LHFPL3: variants seen among roughly 807,000 people sequenced by gnomAD.
The protein encoded by LHFPL3 is LHFPL tetraspan subfamily member 3 protein.
LHFPL3 carries 5 observed loss-of-function variants against 19.3 expected under a neutral mutation model. The observed-to-expected ratio is 0.26, with a 90% CI of 0.14 to 0.54. The LOEUF (loss-of-function observed/expected upper bound fraction) is 0.54. LHFPL3 is among the 20% of genes least tolerant of loss of function. LHFPL3 has a pLI of 0.94. For missense variants in LHFPL3, 249 were observed against 307.4 expected (o/e 0.81, Z 1.42); for synonymous variants, 133 against 126.2 (o/e 1.05, Z -0.36).
At chr7:104,478,013 T>A (rs970989698) in intron 1 of LHFPL3, among the ~76,000 whole-genome samples, 1 of 152,198 alleles carries the variant, frequency 6.6e-6, no homozygotes, top group Non-Finnish European at 1.5e-5. Context: ...GCTCTCTGTA[T>A]TTTGCATGGA....
rs1792593952 is a variant in LHFPL3 at position 104,458,558 on chromosome 7, C to T, written c.445+129334C>T. The stretch of plus-strand genomic sequence containing the variant: ...TTGAAGTCAGGTAGTGTGATGCCTC[C>T]AGCTTTGTTCTTTTGGCTTAGGATT... On this transcript the variant is annotated intron_variant, in intron 1 of 2. Transcript: ENST00000424859. Among the ~76,000 whole-genome samples, 4 of 152,144 alleles carry T rather than the reference C, an allele frequency of 2.6e-5. No homozygotes were observed. The South Asian group carries it at 8.3e-4, about 32-fold the overall frequency.
At chr7:104,541,927 C>A (rs1008981837) in intron 1 of LHFPL3, among the ~76,000 whole-genome samples, 12 of 151,758 alleles carry the variant, frequency 7.9e-5, no homozygotes, top group African/African-American at 2.9e-4. Flanking sequence ...GGAGGAGGAC[C>A]CTGGGAAGGG....
chr7:104,349,680 C>A (rs1317300829), intron 1 of LHFPL3, among the ~76,000 whole-genome samples: 1 of 152,142 alleles, frequency 6.6e-6, no homozygotes, highest in African/African-American at 2.4e-5. Context: ...GTGTAACAAA[C>A]CTGCACGTTC....
chr7:104,838,784 T>C (rs1180124280), intron 2 of LHFPL3, among the ~76,000 whole-genome samples: 1 of 152,230 alleles, frequency 6.6e-6, no homozygotes, highest in Non-Finnish European at 1.5e-5. Flanking sequence ...TTTTAATTAA[T>C]TTAAATAACC....
In LHFPL3 at chr7:104,403,725, T is replaced by TTCTCTCTCTCTCTCTCTC. The variant is rs71786184; in HGVS notation, c.445+74518_445+74535dup. Among the ~76,000 whole-genome samples the TTCTCTCTCTCTCTCTCTC allele has an allele frequency of 2.6e-3, 375 of 143,696 alleles. 4 individuals carry two copies. The highest frequency in any genetic ancestry group is 9.4e-3 in the African/African-American group (360 of 38,156). The allele number at this position is 143,696 out of a possible 152,430, so 94.3% of individuals were successfully genotyped here. A position where few individuals can be genotyped will look rare whatever the true frequency, so the allele number is the denominator to read the frequency against. On this transcript the variant is annotated intron_variant, in intron 1 of 2. Coordinates refer to ENST00000424859, the MANE Select transcript of LHFPL3 (RefSeq NM_199000.3). ...AATCTAATCATGTCCTTAGTGAACA[T>TTCTCTCTCTCTCTCTCTC]TCTCTCTCTCTCTCTCTCTCTCTCT...
At chr7:104,407,831 A>C (rs1791450315) in intron 1 of LHFPL3, among the ~76,000 whole-genome samples, 1 of 152,234 alleles carries the variant, frequency 6.6e-6, no homozygotes, top group Admixed American at 6.5e-5. Flanking sequence ...AAATTATTAG[A>C]CTTTCTTTCA....
intron 2 of LHFPL3, among the ~76,000 whole-genome samples, chr7:104,737,715 A>C (rs372457654): frequency 7.3e-4 from 111 of 152,306 alleles, no homozygotes; most frequent in African/African-American, 2.5e-3. Flanking sequence ...TTCATTTAAC[A>C]GTTTTATCTT....
At chr7:104,567,302 T>G (rs1790141833) in intron 1 of LHFPL3, among the ~76,000 whole-genome samples, 1 of 152,224 alleles carries the variant, frequency 6.6e-6, no homozygotes, top group Admixed American at 6.5e-5. Flanking sequence ...CATAGAGCCA[T>G]TTTAGGCCCC....
intron 1 of LHFPL3, among the ~76,000 whole-genome samples, chr7:104,541,398 GT>G (rs780255398): frequency 4.6e-5 from 7 of 152,150 alleles, no homozygotes; most frequent in Non-Finnish European, 7.4e-5. Flanking sequence ...GATGATACAT[GT>G]TGAGTAAGTG....
At chr7:104,559,288 A>G (rs367987293) in intron 1 of LHFPL3, among the ~76,000 whole-genome samples, 54 of 146,688 alleles carry the variant, frequency 3.7e-4, no homozygotes, top group African/African-American at 1.3e-3. Flanking sequence ...CCATTTTCAC[A>G]ATATTGATTC....
At chr7:104,535,919 A>T (rs2115858929) in intron 1 of LHFPL3, among the ~76,000 whole-genome samples, 1 of 152,378 alleles carries the variant, frequency 6.6e-6, no homozygotes, top group South Asian at 2.1e-4. Flanking sequence ...CCATCGGCAC[A>T]TACCTCAACG....
chr7:104,724,175 G>A (rs933118837), intron 1 of LHFPL3, among the ~76,000 whole-genome samples: 5 of 152,126 alleles, frequency 3.3e-5, no homozygotes, highest in Admixed American at 2.0e-4. Flanking sequence ...TCTGGTTAAC[G>A]GAATGCCAGA....
chr7:104,704,524 CT>C (rs200846185), intron 1 of LHFPL3, among the ~76,000 whole-genome samples: 53,980 of 146,424 alleles, frequency 0.37, 9,751 homozygotes, highest in East Asian at 0.54. Flanking sequence ...GGATAGAGTA[CT>C]TTTTTTTTTT....
chr7:104,622,520 G>T (rs181201131), intron 1 of LHFPL3, among the ~76,000 whole-genome samples: 103 of 152,212 alleles, frequency 6.8e-4, no homozygotes, highest in Non-Finnish European at 6.3e-4. Flanking sequence ...TTCATAGATT[G>T]TACAATCACC....
chr7:104,889,361 C>T (rs943818007), intron 2 of LHFPL3, among the ~76,000 whole-genome samples: 10 of 152,050 alleles, frequency 6.6e-5, no homozygotes, highest in Admixed American at 2.0e-4. Context: ...TTTTCCAGGC[C>T]GAGCGTGGTG....
chr7:104,581,966 A>G (rs1304583733), intron 1 of LHFPL3, among the ~76,000 whole-genome samples: 1 of 151,838 alleles, frequency 6.6e-6, no homozygotes, highest in Non-Finnish European at 1.5e-5. Flanking sequence ...GATACTTTTA[A>G]TTTTCATATA....
At chr7:104,831,215 A>C (rs540916286) in intron 2 of LHFPL3, among the ~76,000 whole-genome samples, 2 of 41,566 alleles carry the variant, frequency 4.8e-5, no homozygotes, top group Non-Finnish European at 9.0e-5. Flanking sequence ...GTCAAGCTGC[A>C]CTTTTATTCT....
chr7:104,461,621 T>G (rs181248864), intron 1 of LHFPL3, among the ~76,000 whole-genome samples: 2 of 152,124 alleles, frequency 1.3e-5, no homozygotes, highest in African/African-American at 2.4e-5. Context: ...TGGAGTGTAG[T>G]TTGAAGTAAG....
intron 2 of LHFPL3, among the ~76,000 whole-genome samples, chr7:104,851,965 G>T (rs1791421860): frequency 6.6e-6 from 1 of 152,046 alleles, no homozygotes; most frequent in Non-Finnish European, 1.5e-5. Flanking sequence ...CCTCCCTTCT[G>T]TCTCCTTTCC....
Sources: allele counts gnomAD v4.1 joint callset (sites outside exome capture counted in the v4.1 genomes callset), GRCh38; gene constraint gnomAD v4.1.1; transcripts MANE v1.5; gene names NCBI Gene and HGNC (gene_info 2026-07-23, HGNC 2026-07-21).